Variants in SFMBT1 observed in about 807,000 individuals in gnomAD.
The protein encoded by SFMBT1 is Scm like with four mbt domains 1, also known as scm-like with four MBT domains protein 1.
A neutral mutation model predicts 108.7 loss-of-function variants in SFMBT1; 32 were observed. That is an observed-to-expected ratio of 0.29 (90% confidence interval 0.22 to 0.40). The LOEUF is 0.40. Among genes scored for constraint, SFMBT1 ranks in the 10% least tolerant of loss-of-function variants. SFMBT1 has a pLI of 1.00. For missense variants in SFMBT1, 816 were observed against 1,059.6 expected, an observed-to-expected ratio of 0.77 and a Z score of 3.19; for synonymous variants, 348 against 369.5, an observed-to-expected ratio of 0.94 and a Z score of 0.67.
At chr3:53,006,193 AG>A (rs1384614361) in intron 1 of SFMBT1, among the ~76,000 whole-genome samples, 2 of 152,232 alleles carry the variant, frequency 1.3e-5, no homozygotes, top group African/African-American at 4.8e-5. Context: ...TTTGAATTTC[AG>A]ACTGAAGGCT....
chr3:53,015,733 T>C (rs533324866), intron 1 of SFMBT1, among the ~76,000 whole-genome samples: 22 of 152,086 alleles, frequency 1.4e-4, no homozygotes, highest in Non-Finnish European at 2.2e-4. Flanking sequence ...CATAGGCAAA[T>C]CTAGAGAGAC....
intron 1 of SFMBT1, among the ~76,000 whole-genome samples, chr3:53,001,902 G>A (rs1279980772): frequency 7.0e-6 from 1 of 142,200 alleles, no homozygotes; most frequent in Non-Finnish European, 1.6e-5. Flanking sequence ...TCCGGCCTGG[G>A]CAACAGAGCA....
chr3:52,964,347 C>A (rs967070773), intron 2 of SFMBT1, among the ~76,000 whole-genome samples: 2 of 152,066 alleles, frequency 1.3e-5, no homozygotes, highest in African/African-American at 2.4e-5. Flanking sequence ...AAGACCCCAT[C>A]TCTACAAAAA....
chr3:52,979,342 A>G (rs535863201), intron 1 of SFMBT1, among the ~76,000 whole-genome samples: 27 of 152,354 alleles, frequency 1.8e-4, no homozygotes, highest in African/African-American at 6.3e-4. Flanking sequence ...AATCCAACAG[A>G]TATGTATTTC....
At chr3:53,031,313 C>A (rs1353327169) in intron 1 of SFMBT1, among the ~76,000 whole-genome samples, 1 of 152,188 alleles carries the variant, frequency 6.6e-6, no homozygotes, top group Non-Finnish European at 1.5e-5. Context: ...CCACACAGAA[C>A]CAGACTGCTG....
chr3:52,912,993 C>G (rs1702252202), intron 15 of SFMBT1, among the ~76,000 whole-genome samples: 1 of 152,146 alleles, frequency 6.6e-6, no homozygotes, highest in African/African-American at 2.4e-5. Flanking sequence ...GACAGCTGAG[C>G]CTTCTTGTGG....
intron 1 of SFMBT1, among the ~76,000 whole-genome samples, chr3:52,999,788 C>T (rs979964677): frequency 6.7e-6 from 1 of 150,178 alleles, no homozygotes; most frequent in African/African-American, 2.4e-5. Context: ...ATTCCTCTCC[C>T]TGATGGGCCC....
intron 14 of SFMBT1, among the ~76,000 whole-genome samples, chr3:52,915,080 A>G (rs1310548015): frequency 1.3e-5 from 2 of 152,192 alleles, no homozygotes; most frequent in African/African-American, 4.8e-5. Context: ...CAGGGCTCCC[A>G]GTGGAACTAG....
At position 53,029,758 on chromosome 3, in the gene SFMBT1, G is replaced by A. The variant is rs772715969; in HGVS notation, c.-131+16058C>T. Among the ~76,000 whole-genome samples, 165 of 152,230 alleles carry A rather than the reference G, an allele frequency of 1.1e-3. 1 individual carries two copies. Among genetic ancestry groups the A allele is most frequent in the Non-Finnish European group, 1.3e-3 (91 of 68,022 alleles). ...CTTTAGTCTCCCAAGACTCAGCTGG[G>A]GATTCTGCCTATGCCATCCCCTCTG... On this transcript the variant is annotated intron_variant, in intron 1 of 20. Coordinates refer to ENST00000394752, the MANE Select transcript of SFMBT1 (RefSeq NM_016329.4).
At chr3:52,945,011 C>T (rs1230727114) in intron 3 of SFMBT1, among the ~76,000 whole-genome samples, 1 of 151,336 alleles carries the variant, frequency 6.6e-6, no homozygotes, top group African/African-American at 2.4e-5. Flanking sequence ...GCCATGTTGC[C>T]CAGGCTGGTC....
At chr3:53,031,989 T>C (rs138248085) in intron 1 of SFMBT1, among the ~76,000 whole-genome samples, 44 of 152,328 alleles carry the variant, frequency 2.9e-4, no homozygotes, top group African/African-American at 1.0e-3. Flanking sequence ...GAGAAAAAAG[T>C]GCCTCTGGAA....
intron 8 of SFMBT1, 49 bp from the exon 9 acceptor site, chr3:52,928,390 G>A (rs749664761): frequency 3.0e-5 from 47 of 1,585,014 alleles, no homozygotes; most frequent in Non-Finnish European, 3.8e-5. Context: ...ACATATATAT[G>A]TGCTTTCTCC....
At chr3:52,992,699 G>A (rs1025068081) in intron 1 of SFMBT1, among the ~76,000 whole-genome samples, 10 of 152,100 alleles carry the variant, frequency 6.6e-5, no homozygotes, top group African/African-American at 9.7e-5. Flanking sequence ...GAAAAACTAA[G>A]GGAAATCATA....
intron 1 of SFMBT1, among the ~76,000 whole-genome samples, chr3:52,974,639 T>C (rs1339940640): frequency 6.6e-6 from 1 of 152,052 alleles, no homozygotes; most frequent in Non-Finnish European, 1.5e-5. Context: ...TAAAGTCTGA[T>C]AAAGTCAAGG....
chr3:53,032,237 G>A (rs1360261018), intron 1 of SFMBT1, among the ~76,000 whole-genome samples: 2 of 152,200 alleles, frequency 1.3e-5, no homozygotes, highest in African/African-American at 2.4e-5. Context: ...GAGCATGGTG[G>A]TACATGCCTA....
At chr3:53,034,062 C>A in intron 1 of SFMBT1, among the ~76,000 whole-genome samples, 1 of 96,564 alleles carries the variant, frequency 1.0e-5, no homozygotes, top group Admixed American at 1.3e-4. Flanking sequence ...AAGAGCAAAA[C>A]TCTGTCTCCA....
intron 4 of SFMBT1, among the ~76,000 whole-genome samples, chr3:52,941,593 C>CA (rs145581859): frequency 0.26 from 16,263 of 63,762 alleles, 2,882 homozygotes; most frequent in Admixed American, 0.37. Context: ...GACTCTGTTT[C>CA]AAAAAAAAAA....
chr3:52,904,049 G>C lies in SFMBT1; in HGVS notation c.*1087C>G, dbSNP rs532211825. ...TGCTAACAGAAACTCCATGCTCTGC[G>C]TTACCCTCCAAAACATGTTTTCTGT... On this transcript the variant is annotated 3_prime_UTR_variant, in exon 21 of 21. Transcript: ENST00000394752. 6.6e-6 allele frequency: 1 copy of C among 152,280 alleles called. No homozygotes were observed. The highest frequency in any genetic ancestry group is 2.4e-5 in the African/African-American group (1 of 41,564). 9.4% of individuals were successfully genotyped at this position (152,280 alleles called of 1,614,324 possible).
chr3:53,045,000 G>GAGC (rs1241697893), intron 1 of SFMBT1: 1 of 152,328 alleles, frequency 6.6e-6, no homozygotes, highest in East Asian at 1.9e-4. Context: ...GCTCCGCACA[G>GAGC]AGCAGGCCTT....
Sources: allele counts gnomAD v4.1 joint callset (sites outside exome capture counted in the v4.1 genomes callset), GRCh38; gene constraint gnomAD v4.1.1; transcripts MANE v1.5; gene names NCBI Gene and HGNC (gene_info 2026-07-23, HGNC 2026-07-21).